The following FAM227B variants were observed in gnomAD, a reference collection of about 807,000 sequenced individuals.
FAM227B encodes the protein protein FAM227B.
FAM227B carries 88 observed loss-of-function variants against 73.8 expected under a neutral mutation model. The observed-to-expected ratio is 1.19, with a 90% confidence interval of 1.00 to 1.42. The LOEUF (loss-of-function observed/expected upper bound fraction) is 1.42, where lower values mean the gene tolerates loss of function less well. Ranked by LOEUF, FAM227B falls within the 40% of genes most tolerant of loss-of-function variation. The probability of loss-of-function intolerance (pLI) is 0.00; values close to 1 mark genes in which losing one functional copy is unlikely to be tolerated. For missense variants in FAM227B, 632 were observed against 590.9 expected, an observed-to-expected ratio of 1.07 and a Z score of -0.72; for synonymous variants, 210 against 190.5, an observed-to-expected ratio of 1.10 and a Z score of -0.84.
At chr15:49,424,081 T>G in intron 11 of FAM227B, 1 of 428,718 alleles carries the variant, frequency 2.3e-6, no homozygotes, top group Non-Finnish European at 4.1e-6. Flanking sequence ...TACGAACTGT[T>G]TTTATGAGGA....
At chr15:49,611,914 A>T (rs1209441980) in intron 2 of FAM227B, among the ~76,000 whole-genome samples, 3 of 152,132 alleles carry the variant, frequency 2.0e-5, no homozygotes, top group Non-Finnish European at 4.4e-5. Flanking sequence ...TTCAAATAAC[A>T]AATTAAAAGT....
At chr15:49,500,362 C>G (rs1035541020) in intron 11 of FAM227B, among the ~76,000 whole-genome samples, 6 of 152,236 alleles carry the variant, frequency 3.9e-5, no homozygotes, top group African/African-American at 1.4e-4. Context: ...GGGGCAGAAC[C>G]CCACAAAGCC....
chr15:49,467,764 G>C (rs1301071112), intron 11 of FAM227B, among the ~76,000 whole-genome samples: 1 of 152,122 alleles, frequency 6.6e-6, no homozygotes, highest in Non-Finnish European at 1.5e-5. Context: ...TAAACAAAGA[G>C]TATTTCCTCC....
intron 11 of FAM227B, among the ~76,000 whole-genome samples, chr15:49,465,429 C>G (rs1403069783): frequency 2.0e-5 from 3 of 152,020 alleles, no homozygotes; most frequent in African/African-American, 7.2e-5. Flanking sequence ...AGCCACCATG[C>G]CCGGCCTACT....
At chr15:49,405,272 G>A (rs769397231) in intron 11 of FAM227B, among the ~76,000 whole-genome samples, 3 of 152,068 alleles carry the variant, frequency 2.0e-5, no homozygotes, top group Non-Finnish European at 2.9e-5. Flanking sequence ...GGGGTTCTCT[G>A]CCTTCCCAAA....
At chr15:49,522,359 T>G (rs1386901166) in intron 10 of FAM227B, among the ~76,000 whole-genome samples, 1 of 152,172 alleles carries the variant, frequency 6.6e-6, no homozygotes, top group Non-Finnish European at 1.5e-5. Context: ...TTGAGAAGGA[T>G]TCTGTGCAAA....
chr15:49,580,022 C>T (rs141572927), intron 5 of FAM227B, among the ~76,000 whole-genome samples: 2,387 of 152,214 alleles, frequency 0.016, 17 homozygotes, highest in Middle Eastern at 0.034. Context: ...TTTCAAGCAG[C>T]AGAGTTGCAG....
chr15:49,383,980 A>C (rs1242878196), intron 11 of FAM227B, among the ~76,000 whole-genome samples: 4 of 152,004 alleles, frequency 2.6e-5, no homozygotes. Flanking sequence ...TAACATCCCA[A>C]TGTGTTCCTC....
intron 11 of FAM227B, among the ~76,000 whole-genome samples, chr15:49,471,913 T>C (rs1237491972): frequency 2.0e-5 from 3 of 151,992 alleles, no homozygotes; most frequent in Non-Finnish European, 2.9e-5. Context: ...CGGAAGAAAC[T>C]TGGAATCCCT....
chr15:49,384,088 C>A (rs1247004168), intron 11 of FAM227B, among the ~76,000 whole-genome samples: 3 of 152,052 alleles, frequency 2.0e-5, no homozygotes, highest in Non-Finnish European at 4.4e-5. Flanking sequence ...TTTATAGGTT[C>A]AAGGTGGGTT....
At chr15:49,619,411 T>C (rs2153347106) in intron 1 of FAM227B, among the ~76,000 whole-genome samples, 1 of 152,316 alleles carries the variant, frequency 6.6e-6, no homozygotes. Context: ...TTTTGCCTTG[T>C]TCATTGCAAC....
intron 9 of FAM227B, 151 bp downstream of exon 9, chr15:49,568,094 C>T (rs2074800284): frequency 1.6e-6 from 1 of 620,588 alleles, no homozygotes; most frequent in Admixed American, 3.3e-5. Flanking sequence ...TTAATAAGAG[C>T]ATAACTTTCA....
chr15:49,373,472 C>T (rs2045971382), intron 11 of FAM227B, among the ~76,000 whole-genome samples: 2 of 151,982 alleles, frequency 1.3e-5, no homozygotes, highest in African/African-American at 4.8e-5. Flanking sequence ...AGTTTTAGTG[C>T]TTCTTCTGTT....
At chr15:49,556,246 T>TC (rs397978195) in intron 9 of FAM227B, among the ~76,000 whole-genome samples, 5 of 152,028 alleles carry the variant, frequency 3.3e-5, no homozygotes, top group Non-Finnish European at 5.9e-5. Context: ...GATTTTTTTT[T>TC]CTTTTATCTT....
At chr15:49,552,707 T>C (rs2073180594) in intron 9 of FAM227B, among the ~76,000 whole-genome samples, 1 of 152,144 alleles carries the variant, frequency 6.6e-6, no homozygotes, top group East Asian at 1.9e-4. Flanking sequence ...TCAAATAGCC[T>C]ATCTTCAAGC....
rs35196009 is a variant in FAM227B at position 49,525,793 on chromosome 15, TA to T, written c.874+15886del. 2.5e-3 allele frequency among the ~76,000 whole-genome samples: 334 copies of T among 132,990 alleles called. 3 individuals are homozygous for T. The highest frequency in any genetic ancestry group is 0.011 in the Middle Eastern group (3 of 262). 87.2% of individuals were successfully genotyped at this position (132,990 alleles called of 152,430 possible). A position where few individuals can be genotyped will look rare whatever the true frequency, so the allele number is the denominator to read the frequency against. Reference sequence around the variant, plus strand: ...AAAGCAGACTTTAAAACAACAATGGTAAAAAAAAAGACAAAGAAGGATATCA... The same window carrying T: ...AAAGCAGACTTTAAAACAACAATGGTAAAAAAAAGACAAAGAAGGATATCA... On this transcript the variant is annotated intron_variant, in intron 10 of 15. Coordinates refer to ENST00000299338, the MANE Select transcript of FAM227B (RefSeq NM_152647.3).
intron 11 of FAM227B, among the ~76,000 whole-genome samples, chr15:49,414,707 A>T (rs1405035281): frequency 6.6e-6 from 1 of 152,170 alleles, no homozygotes; most frequent in Non-Finnish European, 1.5e-5. Context: ...CAATAACTTG[A>T]TCTAGGATGT....
intron 13 of FAM227B, among the ~76,000 whole-genome samples, chr15:49,347,257 G>A (rs2041640286): frequency 2.0e-5 from 3 of 152,082 alleles, no homozygotes; most frequent in African/African-American, 7.2e-5. Flanking sequence ...GTAGAGACAT[G>A]GTGTTTTGCC....
At chr15:49,347,897 T>C (rs907800076) in intron 13 of FAM227B, among the ~76,000 whole-genome samples, 12 of 151,884 alleles carry the variant, frequency 7.9e-5, no homozygotes, top group Non-Finnish European at 1.5e-4. Context: ...CAGATGCCTG[T>C]AGTCCCAGCT....
Sources: gnomAD v4.1 joint callset for allele counts (sites outside exome capture counted in the v4.1 genomes callset) on GRCh38, gnomAD v4.1.1 for gene constraint, MANE v1.5 for transcripts, NCBI Gene and HGNC (gene_info 2026-07-23, HGNC 2026-07-21) for gene names.